The following TSPEAR variants were observed in gnomAD, a reference collection of about 807,000 sequenced individuals.
TSPEAR encodes thrombospondin type laminin G domain and EAR repeats, also known as thrombospondin-type laminin G domain and EAR repeat-containing protein.
Under a neutral mutation model 71.6 loss-of-function variants are expected in TSPEAR, and 69 were observed. That is an observed-to-expected ratio of 0.96 (90% CI 0.79 to 1.18). The LOEUF (loss-of-function observed/expected upper bound fraction) is 1.18. Among genes scored for constraint, TSPEAR ranks in the 50% most tolerant of loss-of-function variants. TSPEAR has a pLI of 0.00. For synonymous variants in TSPEAR, 402 were observed against 387.2 expected, an observed-to-expected ratio of 1.04 and a Z score of -0.45; for missense variants, 971 against 894.9, an observed-to-expected ratio of 1.09 and a Z score of -1.09.
Position 44,504,863 on chromosome 21 carries a change from A to T in TSPEAR, c.1773T>A (p.Phe591Leu). ...GGAAATAATCTTCTCCCACCGAGAA[A>T]AACTCCCAGTCCAGAGCACTGCAGG... is the stretch of plus-strand genomic sequence containing the variant. Reference protein sequence around the residue: ...ILTCSALDWEFFSVGEDYFLV... With the variant: ...ILTCSALDWELFSVGEDYFLV... The change falls in exon 11 of 12, where the codon TTT (phenylalanine) becomes TTA (leucine). Residue 591 changes from phenylalanine to leucine, a missense_variant. Physicochemically the swap from Phe to Leu is conservative, Grantham distance 22. Coordinates refer to ENST00000323084, the MANE Select transcript of TSPEAR (RefSeq NM_144991.3). The T allele has an allele frequency of 6.2e-7, 1 of 1,613,868 alleles. No individual in the cohort carries two copies. The highest frequency in any genetic ancestry group is 2.2e-5 in the East Asian group (1 of 44,870).
chr21:44,627,873 C>G, intron 1 of TSPEAR: 15 of 1,613,042 alleles, frequency 9.3e-6, no homozygotes, highest in Non-Finnish European at 1.2e-5. Context: ...TGTCCCTCCT[C>G]TGCCGCCCTG....
At chr21:44,585,134 A>G (rs1555925543) in intron 1 of TSPEAR, among the ~76,000 whole-genome samples, 1 of 152,122 alleles carries the variant, frequency 6.6e-6, no homozygotes, top group Non-Finnish European at 1.5e-5. Context: ...TGTTGAGTAA[A>G]AGTTTCAGAA....
intron 1 of TSPEAR, among the ~76,000 whole-genome samples, chr21:44,624,901 G>A (rs1982668943): frequency 6.6e-6 from 1 of 152,174 alleles, no homozygotes; most frequent in South Asian, 2.1e-4. Flanking sequence ...AGTCTCAGCT[G>A]TCTTGGTGAC....
rs587694965 is a variant in TSPEAR at position 44,539,211 on chromosome 21, G to A, written c.304-5288C>T. ...AGACACGGGGACCCGTCCTAGGTGG[G>A]GGAAGCCACCTAACCCAGGTCAGGA... On this transcript the variant is annotated intron_variant, in intron 2 of 11. Transcript: ENST00000323084. The A allele has an allele frequency of 1.7e-5, 26 of 1,537,884 alleles. 2 individuals are homozygous for A. The African/African-American group carries it at 3.4e-4, about 20-fold the overall frequency.
intron 1 of TSPEAR, among the ~76,000 whole-genome samples, chr21:44,701,429 A>G (rs1438726691): frequency 2.0e-5 from 3 of 152,208 alleles, no homozygotes; most frequent in Non-Finnish European, 4.4e-5. Flanking sequence ...TTTGGGGATG[A>G]TTCAAGCGCA....
intron 11 of TSPEAR, among the ~76,000 whole-genome samples, chr21:44,503,199 A>AGG (rs1491558321): frequency 1.1e-5 from 1 of 88,188 alleles, no homozygotes; most frequent in Non-Finnish European, 2.2e-5. Flanking sequence ...GTGAGCCCAC[A>AGG]GGGGGGAAGC....
intron 1 of TSPEAR, among the ~76,000 whole-genome samples, chr21:44,584,457 C>T (rs781860260): frequency 4.6e-5 from 7 of 152,208 alleles, no homozygotes; most frequent in Admixed American, 4.6e-4. Context: ...CAAGATTGCT[C>T]ATCACATGGT....
In TSPEAR at chr21:44,702,244, T is replaced by G. The variant is rs895280487; in HGVS notation, c.82+9189A>C. On this transcript the variant is annotated intron_variant, in intron 1 of 11. Coordinates refer to ENST00000323084, the MANE Select transcript of TSPEAR (RefSeq NM_144991.3). ...CTGAGCCAGTGCTTCCACCAACTCCTGGCAGGTGGACGACTGCCCGGAGAG... is the reference window on the plus strand; with the variant it reads ...CTGAGCCAGTGCTTCCACCAACTCCGGGCAGGTGGACGACTGCCCGGAGAG... The G allele has an allele frequency of 3.7e-6, 6 of 1,603,174 alleles. No homozygotes were observed. The African/African-American group carries it at 6.7e-5, about 18-fold the overall frequency.
chr21:44,500,021 A>T, intron 11 of TSPEAR, 85 bp from the exon 12 acceptor site: 1 of 1,407,854 alleles, frequency 7.1e-7, no homozygotes. Context: ...GCTGTCAGGG[A>T]CCCAGCAGCT....
intron 1 of TSPEAR, chr21:44,580,469 A>G (rs1978878485): frequency 1.2e-6 from 2 of 1,613,222 alleles, no homozygotes; most frequent in Non-Finnish European, 1.7e-6. Flanking sequence ...GACCAGGGTC[A>G]GGCAGGGGGC....
rs1313661227 is a variant in TSPEAR at position 44,572,126 on chromosome 21, C to T, written c.83-4121G>A. ...GTGGGATTCCTCCCCCAACGCGATG[C>T]CCACTCTGACCACGAGGAAACCTCA... On this transcript the variant is annotated intron_variant, in intron 1 of 11. Coordinates refer to ENST00000323084, the MANE Select transcript of TSPEAR (RefSeq NM_144991.3). Among the ~76,000 whole-genome samples, 3 of 152,370 alleles carry T rather than the reference C, an allele frequency of 2.0e-5. No homozygotes were observed. In the East Asian group the frequency reaches 5.8e-4, roughly 29 times the overall value.
chr21:44,558,195 A>T (rs369155919), intron 2 of TSPEAR: 47 of 1,549,096 alleles, frequency 3.0e-5, no homozygotes, highest in Middle Eastern at 1.7e-4. Context: ...GCAGGAGGGG[A>T]TGGGCACACA....
At chr21:44,584,167 T>A (rs1208891252) in intron 1 of TSPEAR, among the ~76,000 whole-genome samples, 1 of 152,234 alleles carries the variant, frequency 6.6e-6, no homozygotes, top group Non-Finnish European at 1.5e-5. Flanking sequence ...AGATTCCACA[T>A]ATAAGCGAGG....
At chr21:44,654,537 G>C (rs587613573) in intron 1 of TSPEAR, 20 of 1,612,236 alleles carry the variant, frequency 1.2e-5, no homozygotes, top group Non-Finnish European at 1.7e-5. Context: ...CCTCGGGTGG[G>C]TAGCAGGTGC....
rs995900923 is a variant in TSPEAR at position 44,695,295 on chromosome 21, T to C, written c.82+16138A>G. ...CTGTGCTGTCTCTCAGGTACGCAAG[T>C]GCACCACAGACTCTGATATGTACAG... On this transcript the variant is annotated intron_variant, in intron 1 of 11. Transcript: ENST00000323084. This position sits in a 1 kb window ranked among gnomAD's most constrained non-coding sequence, Gnocchi z 4.5. Among the ~76,000 whole-genome samples the C allele has an allele frequency of 6.6e-6, 1 of 152,126 alleles. No homozygotes were observed. The highest frequency in any genetic ancestry group is 1.5e-5 in the Non-Finnish European group (1 of 68,034).
chr21:44,639,887 G>A (rs1983926054), intron 1 of TSPEAR, among the ~76,000 whole-genome samples: 1 of 152,168 alleles, frequency 6.6e-6, no homozygotes, highest in Non-Finnish European at 1.5e-5. Flanking sequence ...CCTGGTGGGG[G>A]GTCTCAGCTC....
At chr21:44,522,766 C>G (rs2052761320) in intron 8 of TSPEAR, among the ~76,000 whole-genome samples, 1 of 152,376 alleles carries the variant, frequency 6.6e-6, no homozygotes, top group Admixed American at 6.5e-5. Context: ...TGCCTGTCCT[C>G]AGGAAACAAG....
At chr21:44,509,490 AG>A (rs1251923877) in intron 9 of TSPEAR, 104 bp from the exon 10 acceptor site, 55 of 48,050 alleles carry the variant, frequency 1.1e-3, no homozygotes, top group African/African-American at 5.0e-3. Flanking sequence ...GGTGTGGGGG[AG>A]GGGGCGCAGA....
intron 1 of TSPEAR, among the ~76,000 whole-genome samples, chr21:44,670,359 A>T (rs1244226795): frequency 1.3e-5 from 2 of 152,160 alleles, no homozygotes; most frequent in Non-Finnish European, 2.9e-5. Flanking sequence ...TCCACAAAGA[A>T]CCCAAAAGAG....
Sources: gnomAD v4.1 joint callset for allele counts (sites outside exome capture counted in the v4.1 genomes callset) on GRCh38, gnomAD v4.1.1 for gene constraint, Gnocchi (gnomAD v3.1) non-coding constraint, MANE v1.5 for transcripts, NCBI Gene and HGNC (gene_info 2026-07-23, HGNC 2026-07-21) for gene names.